GLIPR1L2: variants seen among roughly 807,000 people sequenced by gnomAD.
The protein encoded by GLIPR1L2 is GLIPR1-like protein 2.
A neutral mutation model predicts 28.4 loss-of-function variants in GLIPR1L2; 21 were observed. The observed-to-expected ratio is 0.74, with a 90% CI of 0.52 to 1.06. The LOEUF is 1.06. GLIPR1L2 is among the 50% of genes least tolerant of loss of function. The pLI, the probability that GLIPR1L2 is intolerant of heterozygous loss-of-function variation, is 0.00. For synonymous variants in GLIPR1L2, 145 were observed against 139.3 expected, an observed-to-expected ratio of 1.04 and a Z score of -0.29; for missense variants, 476 against 416.9, an observed-to-expected ratio of 1.14 and a Z score of -1.23.
At position 75,410,416 on chromosome 12, in the gene GLIPR1L2, T is replaced by C; in HGVS notation, c.235-18T>C. 1 of 1,496,450 alleles carries C rather than the reference T, an allele frequency of 6.7e-7. No individual in the cohort carries two copies. The highest frequency in any genetic ancestry group is 8.9e-7 in the Non-Finnish European group (1 of 1,122,704). The allele number at this position is 1,496,450 out of a possible 1,614,324, so 92.7% of individuals were successfully genotyped here. ...AAAAAACTTATTTTGTTCTCTTTGC[T>C]TTTTGAATATTTTTCAGACTTGGGA... is the stretch of plus-strand genomic sequence containing the variant. On this transcript the variant is annotated intron_variant, in intron 1 of 5. Transcript: ENST00000550916.
chr12:75,409,328 C>T (rs2045837148), intron 1 of GLIPR1L2, among the ~76,000 whole-genome samples: 1 of 151,784 alleles, frequency 6.6e-6, no homozygotes, highest in Non-Finnish European at 1.5e-5. Flanking sequence ...GGTTTCACCA[C>T]TATTTTGTTG....
intron 1 of GLIPR1L2, among the ~76,000 whole-genome samples, chr12:75,392,608 C>A (rs540954613): frequency 6.6e-6 from 1 of 152,170 alleles, no homozygotes; most frequent in Admixed American, 6.5e-5. Context: ...GGAGTTTCAA[C>A]TAATTTCCCA....
At chr12:75,401,927 G>A (rs1489019477) in intron 1 of GLIPR1L2, among the ~76,000 whole-genome samples, 1 of 151,788 alleles carries the variant, frequency 6.6e-6, no homozygotes, top group Non-Finnish European at 1.5e-5. Flanking sequence ...AAGAATGAGA[G>A]AATAGCTGTA....
At chr12:75,421,179 G>C (rs185413704) in intron 3 of GLIPR1L2, among the ~76,000 whole-genome samples, 1 of 151,776 alleles carries the variant, frequency 6.6e-6, no homozygotes, top group Non-Finnish European at 1.5e-5. Flanking sequence ...AATAGACCAG[G>C]GTGTAGCTAA....
chr12:75,421,698 T>G (rs1331574899), intron 3 of GLIPR1L2, among the ~76,000 whole-genome samples: 1 of 152,198 alleles, frequency 6.6e-6, no homozygotes, highest in African/African-American at 2.4e-5. Context: ...CTCATTTAGC[T>G]GTAGGCAATT....
At chr12:75,425,494 A>G (rs2139964562) in intron 4 of GLIPR1L2, among the ~76,000 whole-genome samples, 1 of 152,352 alleles carries the variant, frequency 6.6e-6, no homozygotes, top group African/African-American at 2.4e-5. Context: ...CCACACATGC[A>G]GAAGCCCAGA....
intron 1 of GLIPR1L2, among the ~76,000 whole-genome samples, chr12:75,394,763 CAAA>C (rs71078727): frequency 1.9e-4 from 15 of 80,236 alleles, no homozygotes; most frequent in East Asian, 4.0e-4. Flanking sequence ...TGTATTTCTG[CAAA>C]AAAAAAAAAA....
At chr12:75,402,844 A>C (rs970900107) in intron 1 of GLIPR1L2, among the ~76,000 whole-genome samples, 1 of 152,138 alleles carries the variant, frequency 6.6e-6, no homozygotes, top group Non-Finnish European at 1.5e-5. Context: ...TTCTCCATGC[A>C]CTGACTTCCT....
At chr12:75,396,196 A>T (rs1045269376) in intron 1 of GLIPR1L2, among the ~76,000 whole-genome samples, 3 of 151,866 alleles carry the variant, frequency 2.0e-5, no homozygotes, top group African/African-American at 4.8e-5. Context: ...ACAGGATCTC[A>T]CTCTCTTGCC....
intron 1 of GLIPR1L2, among the ~76,000 whole-genome samples, chr12:75,395,139 GT>G (rs1398156606): frequency 6.6e-6 from 1 of 151,868 alleles, no homozygotes; most frequent in Non-Finnish European, 1.5e-5. Flanking sequence ...GGTTCTAACA[GT>G]TTTTTTGTGT....
At chr12:75,416,397 G>A (rs906128667) in intron 3 of GLIPR1L2, among the ~76,000 whole-genome samples, 5 of 65,112 alleles carry the variant, frequency 7.7e-5, no homozygotes, top group African/African-American at 2.3e-4. Flanking sequence ...ATCAGCATGT[G>A]GGAGAGTGAA....
chr12:75,391,432 G>C, intron 1 of GLIPR1L2, 82 bp downstream of exon 1: 1 of 1,601,546 alleles, frequency 6.2e-7, no homozygotes, highest in Non-Finnish European at 8.5e-7. Flanking sequence ...TGGGGCCACT[G>C]CTCTGAGGCT....
intron 3 of GLIPR1L2, 101 bp from the exon 4 acceptor site, chr12:75,422,803 G>T: frequency 2.2e-6 from 2 of 913,218 alleles, no homozygotes; most frequent in Non-Finnish European, 3.3e-6. Flanking sequence ...TTCTTAACCC[G>T]CCTTTTTAAC....
chr12:75,401,497 T>A (rs556726749), intron 1 of GLIPR1L2, among the ~76,000 whole-genome samples: 1 of 152,010 alleles, frequency 6.6e-6, no homozygotes, highest in East Asian at 1.9e-4. Context: ...TAAAACAAGA[T>A]AATTGTGGGA....
At chr12:75,400,621 A>G (rs975112872) in intron 1 of GLIPR1L2, among the ~76,000 whole-genome samples, 1 of 152,342 alleles carries the variant, frequency 6.6e-6, no homozygotes, top group Admixed American at 6.5e-5. Context: ...TGACTTCTCA[A>G]TGATTTTATG....
intron 3 of GLIPR1L2, among the ~76,000 whole-genome samples, chr12:75,417,337 A>G (rs2045933029): frequency 6.6e-6 from 1 of 152,256 alleles, no homozygotes; most frequent in East Asian, 1.9e-4. Context: ...GAAGCTGGAA[A>G]AATCAAGGAA....
chr12:75,407,189 T>C (rs1217508571), intron 1 of GLIPR1L2, among the ~76,000 whole-genome samples: 2 of 152,132 alleles, frequency 1.3e-5, no homozygotes, highest in Admixed American at 1.3e-4. Flanking sequence ...TCCCCACTTA[T>C]CCTTGCTGTG....
Position 75,430,699 on chromosome 12 carries a change from T to A in GLIPR1L2, c.671-16T>A, listed in dbSNP as rs2139971741. ...AAATTTTATGTAATTTTTGTGGACT[T>A]TCTTTTTCTTTCTAGGTAATGCAGA... On this transcript the variant is annotated splice_polypyrimidine_tract_variant and intron_variant, in intron 4 of 5. Coordinates refer to ENST00000550916, the MANE Select transcript of GLIPR1L2 (RefSeq NM_001270396.2). 6.5e-7 allele frequency: 1 copy of A among 1,527,252 alleles called. No homozygotes were observed. The highest frequency in any genetic ancestry group is 8.7e-7 in the Non-Finnish European group (1 of 1,144,124). 94.6% of individuals were successfully genotyped at this position (1,527,252 alleles called of 1,614,324 possible). A position where few individuals can be genotyped will look rare whatever the true frequency, so the allele number is the denominator to read the frequency against.
chr12:75,420,188 CTA>C (rs1357945518), intron 3 of GLIPR1L2, among the ~76,000 whole-genome samples: 18 of 152,280 alleles, frequency 1.2e-4, no homozygotes, highest in Admixed American at 1.1e-3. Flanking sequence ...AATGTACAGA[CTA>C]TGTGAGTCTG....
Sources: allele counts gnomAD v4.1 joint callset (sites outside exome capture counted in the v4.1 genomes callset), GRCh38; gene constraint gnomAD v4.1.1; transcripts MANE v1.5; gene names NCBI Gene and HGNC (gene_info 2026-07-23, HGNC 2026-07-21).